Variants in ATP6V1D observed in about 807,000 individuals in gnomAD.
ATP6V1D encodes the protein V-type proton ATPase subunit D.
Under a neutral mutation model 39.4 loss-of-function variants are expected in ATP6V1D, and 20 were observed. That is an observed-to-expected ratio of 0.51 (90% CI 0.36 to 0.74). ATP6V1D has a LOEUF of 0.74. ATP6V1D is among the 30% of genes least tolerant of loss of function. The pLI, the probability that ATP6V1D is intolerant of heterozygous loss-of-function variation, is 0.00. For missense variants in ATP6V1D, 228 were observed against 291.6 expected, an observed-to-expected ratio of 0.78 and a Z score of 1.59; for synonymous variants, 100 against 100.5, an observed-to-expected ratio of 0.99 and a Z score of 0.03.
At chr14:67,341,512 G>T (rs903716955) in intron 7 of ATP6V1D, among the ~76,000 whole-genome samples, 1 of 150,546 alleles carries the variant, frequency 6.6e-6, no homozygotes, top group East Asian at 2.0e-4. Flanking sequence ...GGAGGGAGGT[G>T]GGGGGGGTCA....
At chr14:67,342,209 T>TA (rs1401675839) in intron 7 of ATP6V1D, among the ~76,000 whole-genome samples, 10 of 98,140 alleles carry the variant, frequency 1.0e-4, no homozygotes, top group Admixed American at 4.8e-4. Context: ...AATAAATAAA[T>TA]AAATAAAATA....
chr14:67,347,747 G>A (rs1355055684), intron 4 of ATP6V1D, among the ~76,000 whole-genome samples: 5 of 151,876 alleles, frequency 3.3e-5, no homozygotes, highest in East Asian at 3.9e-4. Flanking sequence ...TGATCCACCC[G>A]CCTAAACCTC....
At chr14:67,353,470 A>C (rs978483162) in intron 1 of ATP6V1D, among the ~76,000 whole-genome samples, 16 of 152,008 alleles carry the variant, frequency 1.1e-4, no homozygotes, top group Non-Finnish European at 2.2e-4. Flanking sequence ...AGATAGTAGC[A>C]AGACTCCTTT....
chr14:67,341,260 G>C (rs1232835768), intron 7 of ATP6V1D, among the ~76,000 whole-genome samples: 2 of 151,990 alleles, frequency 1.3e-5, no homozygotes, highest in Admixed American at 1.3e-4. Context: ...CATCGTCTGA[G>C]ATGTGGGGAG....
chr14:67,339,475 A>AC (rs1203613011), intron 8 of ATP6V1D, among the ~76,000 whole-genome samples: 3 of 151,952 alleles, frequency 2.0e-5, no homozygotes, highest in East Asian at 1.9e-4. Flanking sequence ...CAGGTCTAAG[A>AC]CCCCCCATGC....
intron 3 of ATP6V1D, among the ~76,000 whole-genome samples, chr14:67,349,385 C>T (rs999163011): frequency 6.6e-6 from 1 of 152,174 alleles, no homozygotes; most frequent in Non-Finnish European, 1.5e-5. Context: ...CAGAGGTGTG[C>T]TACATGGATA....
chr14:67,347,393 A>G lies in ATP6V1D; in HGVS notation c.352+16T>C. 1 of 1,585,534 alleles carries G rather than the reference A, an allele frequency of 6.3e-7. No homozygotes were observed. The highest frequency in any genetic ancestry group is 8.6e-7 in the Non-Finnish European group (1 of 1,157,354). On this transcript the variant is annotated intron_variant, in intron 5 of 8. Coordinates refer to ENST00000216442, the MANE Select transcript of ATP6V1D (RefSeq NM_015994.4). ...ATCCCAGAGACACAAAGTAATACAA[A>G]AAGTTTCACACTTACTGTCAGTTCC...
chr14:67,347,377 A>T (rs779433038), intron 5 of ATP6V1D, 32 bp downstream of exon 5: 3 of 1,548,716 alleles, frequency 1.9e-6, no homozygotes, highest in Admixed American at 3.5e-5. Flanking sequence ...AATCCCAGAG[A>T]CACAAAGTAA....
At chr14:67,340,354 A>T in intron 8 of ATP6V1D, 86 bp downstream of exon 8, 1 of 1,121,958 alleles carries the variant, frequency 8.9e-7, no homozygotes, top group Non-Finnish European at 1.3e-6. Context: ...AATTCTAAAG[A>T]ACATAAACCA....
chr14:67,342,301 G>A (rs117656155), intron 7 of ATP6V1D, among the ~76,000 whole-genome samples: 1,826 of 151,748 alleles, frequency 0.012, 19 homozygotes, highest in Non-Finnish European at 0.018. Context: ...AAACATGGTG[G>A]TGTATACCCT....
chr14:67,357,253 T>G (rs2085691362), intron 1 of ATP6V1D, among the ~76,000 whole-genome samples: 2 of 152,376 alleles, frequency 1.3e-5, no homozygotes, highest in South Asian at 4.1e-4. Context: ...AAGCTGCCAG[T>G]ATATTTTCTA....
intron 1 of ATP6V1D, among the ~76,000 whole-genome samples, chr14:67,356,507 A>T (rs1595639196): frequency 6.6e-6 from 1 of 152,138 alleles, no homozygotes; most frequent in African/African-American, 2.4e-5. Flanking sequence ...CTTTTACCAT[A>T]GGGCTAAGAT....
Position 67,338,660 on chromosome 14 carries a change from A to G in ATP6V1D, c.705T>C (p.Leu235=). 6.2e-7 allele frequency: 1 copy of G among 1,614,110 alleles called. No homozygotes were observed. The highest frequency in any genetic ancestry group is 8.5e-7 in the Non-Finnish European group (1 of 1,179,978). The change falls in exon 9 of 9, where the codon CTT becomes CTC. Residue 235 remains leucine (L), a synonymous_variant. Coordinates refer to ENST00000216442, the MANE Select transcript of ATP6V1D (RefSeq NM_015994.4). The stretch of plus-strand genomic sequence containing the variant: ...GATCCTCGTCCTTCTCTTCAGCCAG[A>G]AGATTAGCAGGCTCCAACACCTCTC... ...AAGEVLEPAN[L]LAEEKDEDLL...
Position 67,338,674 on chromosome 14 carries a change from CCAACACCTCT to C in ATP6V1D, c.681_690del (p.Glu228SerfsTer39). The C allele has an allele frequency of 2.5e-6, 4 of 1,614,138 alleles. No homozygotes were observed. The highest frequency in any genetic ancestry group is 3.4e-6 in the Non-Finnish European group (4 of 1,179,984). On this transcript the variant is annotated frameshift_variant, in exon 9 of 9. Coordinates refer to ENST00000216442, the MANE Select transcript of ATP6V1D (RefSeq NM_015994.4). LOFTEE classifies it high-confidence loss of function. ...TCTTCAGCCAGAAGATTAGCAGGCT[CCAACACCTCT>C]CCAGCTGCTCTCCTTTGCTCCAAGT... is the stretch of plus-strand genomic sequence containing the variant.
At chr14:67,341,362 C>T (rs185368365) in intron 7 of ATP6V1D, among the ~76,000 whole-genome samples, 237 of 151,734 alleles carry the variant, frequency 1.6e-3, no homozygotes, top group Non-Finnish European at 2.3e-3. Context: ...ACCCGGCAGC[C>T]GCCCCATCTG....
At chr14:67,356,319 T>C (rs2077730908) in intron 1 of ATP6V1D, among the ~76,000 whole-genome samples, 2 of 149,996 alleles carry the variant, frequency 1.3e-5, no homozygotes, top group African/African-American at 4.9e-5. Context: ...TACTCAGGAG[T>C]CTGAGGCACA....
At chr14:67,356,434 C>CAA (rs11323157) in intron 1 of ATP6V1D, among the ~76,000 whole-genome samples, 6 of 129,776 alleles carry the variant, frequency 4.6e-5, no homozygotes, top group East Asian at 4.2e-4. Context: ...AAAACAAAAA[C>CAA]AAAAAAAAAA....
chr14:67,344,040 G>T (rs1185464674), intron 6 of ATP6V1D, among the ~76,000 whole-genome samples: 1 of 152,162 alleles, frequency 6.6e-6, no homozygotes, highest in African/African-American at 2.4e-5. Context: ...AAGTTTCTCA[G>T]ACTGCTGACA....
intron 3 of ATP6V1D, among the ~76,000 whole-genome samples, chr14:67,350,344 T>C (rs2141105754): frequency 6.6e-6 from 1 of 152,204 alleles, no homozygotes; most frequent in South Asian, 2.1e-4. Context: ...TACAGCCATG[T>C]TGAAAATAAG....
Sources: allele counts gnomAD v4.1 joint callset (sites outside exome capture counted in the v4.1 genomes callset), GRCh38; gene constraint gnomAD v4.1.1; transcripts MANE v1.5; gene names NCBI Gene and HGNC (gene_info 2026-07-23, HGNC 2026-07-21).